The following RBPJ variants were observed in gnomAD, a reference collection of about 807,000 sequenced individuals.
The protein encoded by RBPJ is recombination signal binding protein for immunoglobulin kappa J region, also known as recombining binding protein suppressor of hairless.
Under a neutral mutation model 67.8 loss-of-function variants are expected in RBPJ, and 9 were observed. That is an observed-to-expected ratio of 0.13 (90% CI 0.08 to 0.23). RBPJ has a LOEUF of 0.23. Ranked by LOEUF, RBPJ falls within the 10% of genes least tolerant of loss-of-function variation. The pLI is 1.00. For synonymous variants in RBPJ, 198 were observed against 203.3 expected, an observed-to-expected ratio of 0.97 and a Z score of 0.22; for missense variants, 305 against 595.6, an observed-to-expected ratio of 0.51 and a Z score of 5.08.
chr4:26,134,632 GATGGTGTCCAGAA>G, the RBPJ span, among the ~76,000 whole-genome samples: 1 of 152,196 alleles, frequency 6.6e-6, no homozygotes, highest in Non-Finnish European at 1.5e-5. Flanking sequence ...CTCATTCCAG[GATGGTGTCCAGAA>G]ATGTGCGTTT....
chr4:26,273,890 G>A (rs955676726), intron 1 of RBPJ, among the ~76,000 whole-genome samples: 3 of 152,136 alleles, frequency 2.0e-5, no homozygotes, highest in Non-Finnish European at 4.4e-5. Flanking sequence ...ATCTTCCTGG[G>A]AATCCGATTA....
intron 1 of RBPJ, among the ~76,000 whole-genome samples, chr4:26,371,773 C>A (rs1272704551): frequency 6.6e-6 from 1 of 152,124 alleles, no homozygotes; most frequent in African/African-American, 2.4e-5. Context: ...GAAGTGATTT[C>A]TTTGAAACAT....
chr4:26,179,241 A>G (rs1208707979), intron 1 of RBPJ, among the ~76,000 whole-genome samples: 1 of 150,418 alleles, frequency 6.6e-6, no homozygotes, highest in African/African-American at 2.4e-5. Context: ...GAGAGCTGTC[A>G]TCTTCTGCTT....
rs562990996 is a variant in RBPJ, at chr4:26,184,246, A to G, written c.-167+20632A>G. The stretch of plus-strand genomic sequence containing the variant: ...ACTTGTTAAAGACAAGTGGTGGACT[A>G]TTCAAGGTGGACTATTCAAGGGGCC... On this transcript the variant is annotated intron_variant, in intron 1 of 4. Coordinates refer to the RBPJ transcript ENST00000512351. 4.6e-5 allele frequency among the ~76,000 whole-genome samples: 7 copies of G among 151,958 alleles called. No individual in the cohort carries two copies. In the South Asian group the frequency reaches 1.5e-3, roughly 32 times the overall value.
chr4:26,335,823 CTG>C (rs1724767104), intron 1 of RBPJ, among the ~76,000 whole-genome samples: 1 of 151,712 alleles, frequency 6.6e-6, no homozygotes, highest in South Asian at 2.1e-4. Flanking sequence ...TGGGGTTTCA[CTG>C]TGTTAGCCAG....
intron 1 of RBPJ, among the ~76,000 whole-genome samples, chr4:26,374,281 C>G (rs1236078604): frequency 6.6e-6 from 1 of 152,044 alleles, no homozygotes; most frequent in African/African-American, 2.4e-5. Flanking sequence ...TTCTAGTAAT[C>G]AAGGAAAAAT....
chr4:26,334,364 C>CT (rs201009666), intron 1 of RBPJ, among the ~76,000 whole-genome samples: 86 of 147,238 alleles, frequency 5.8e-4, no homozygotes, highest in Admixed American at 1.4e-3. Flanking sequence ...TTTGTATTTT[C>CT]TTTTTTTTTT....
rs187071577 is a variant in RBPJ, at chr4:26,168,982, T to A, written c.-167+5368T>A. Among the ~76,000 whole-genome samples, 116 of 152,364 alleles carry A rather than the reference T, an allele frequency of 7.6e-4. No homozygotes were observed. The Middle Eastern group carries it at 0.014, about 18-fold the overall frequency. Reference sequence around the variant, plus strand: ...TAGTTATACATTCGTCTAAATATTTTTCAAAGTTTTCAACTTCCTTGCCTT... The same window carrying A: ...TAGTTATACATTCGTCTAAATATTTATCAAAGTTTTCAACTTCCTTGCCTT... On this transcript the variant is annotated intron_variant, in intron 1 of 4. Transcript: ENST00000512351.
intron 1 of RBPJ, among the ~76,000 whole-genome samples, chr4:26,209,451 A>C (rs1367082637): frequency 6.6e-6 from 1 of 152,110 alleles, no homozygotes; most frequent in African/African-American, 2.4e-5. Context: ...TTGTGGAAAA[A>C]AGTTTTGTGT....
At chr4:26,146,345 A>T in the RBPJ span, among the ~76,000 whole-genome samples, 1 of 152,160 alleles carries the variant, frequency 6.6e-6, no homozygotes, top group Non-Finnish European at 1.5e-5. Context: ...ATCCCATGCA[A>T]AAAGATGAAC....
chr4:26,161,643 G>T (rs1198762869), upstream of RBPJ, among the ~76,000 whole-genome samples: 2 of 152,188 alleles, frequency 1.3e-5, no homozygotes, highest in African/African-American at 4.8e-5. Context: ...CCAGAAGTAG[G>T]TCACACAGAG....
At position 26,192,253 on chromosome 4, in the gene RBPJ, C is replaced by T. The variant is rs1203262863; in HGVS notation, c.-167+28639C>T. ...TGAACTCCTGACCAAGTGACCTGCC[C>T]GCCTCGACCTCCCAAAGTGCTGGGA... On this transcript the variant is annotated intron_variant, in intron 1 of 4. Transcript: ENST00000512351. 5.3e-5 allele frequency among the ~76,000 whole-genome samples: 8 copies of T among 152,204 alleles called. 1 individual carries two copies. Among genetic ancestry groups the T allele is most frequent in the East Asian group, 3.9e-4 (2 of 5,180 alleles).
At chr4:26,123,935 T>A in the RBPJ span, among the ~76,000 whole-genome samples, 6 of 152,272 alleles carry the variant, frequency 3.9e-5, no homozygotes, top group Non-Finnish European at 8.8e-5. Context: ...AACTTTTTTT[T>A]AAATAAGTAG....
chr4:26,421,555 G>C (rs368697195), intron 5 of RBPJ, among the ~76,000 whole-genome samples: 1 of 152,122 alleles, frequency 6.6e-6, no homozygotes, highest in African/African-American at 2.4e-5. Flanking sequence ...CACCCACCTC[G>C]ACCTCCCAAA....
chr4:26,424,749 G>T lies in RBPJ; in HGVS notation c.747+6G>T. The T allele has an allele frequency of 1.3e-6, 2 of 1,538,824 alleles. No homozygotes were observed. The highest frequency in any genetic ancestry group is 1.8e-6 in the Non-Finnish European group (2 of 1,121,152). ...GCATGGCACTCCCAAGATTGGTATG[G>T]CTCTACTTTTGCTTTAGTGATAATG... On this transcript the variant is annotated splice_donor_region_variant and intron_variant, in intron 7 of 10. Transcript: ENST00000355476. This position sits in a 1 kb window ranked among gnomAD's most constrained non-coding sequence, Gnocchi z 5.3.
At chr4:26,323,499 G>A (rs1407042816) in intron 1 of RBPJ, among the ~76,000 whole-genome samples, 1 of 152,140 alleles carries the variant, frequency 6.6e-6, no homozygotes, top group Non-Finnish European at 1.5e-5. Context: ...ATCTGGATGC[G>A]TTGTGGCTGG....
chr4:26,217,881 T>C (rs1209370888), intron 1 of RBPJ, among the ~76,000 whole-genome samples: 2 of 152,182 alleles, frequency 1.3e-5, no homozygotes, highest in South Asian at 2.1e-4. Context: ...CTGTAGCTCC[T>C]ACAGGGCTTC....
At chr4:26,317,381 G>A (rs1351463456), upstream of RBPJ, among the ~76,000 whole-genome samples, 9 of 152,156 alleles carry the variant, frequency 5.9e-5, no homozygotes, top group Non-Finnish European at 1.3e-4. Context: ...TGTGCTTGGG[G>A]CATCCCAGGA....
the RBPJ span, among the ~76,000 whole-genome samples, chr4:26,129,350 C>G: frequency 6.6e-6 from 1 of 152,102 alleles, no homozygotes. Flanking sequence ...TATGTGGACC[C>G]TAAAAGTACT....
Sources: gnomAD v4.1 joint callset for allele counts (sites outside exome capture counted in the v4.1 genomes callset) on GRCh38, gnomAD v4.1.1 for gene constraint, Gnocchi (gnomAD v3.1) non-coding constraint, MANE v1.5 for transcripts, NCBI Gene and HGNC (gene_info 2026-07-23, HGNC 2026-07-21) for gene names.